CNTNAP3: variants seen among roughly 807,000 people sequenced by gnomAD.
CNTNAP3 encodes the protein contactin-associated protein-like 3.
A neutral mutation model predicts 92.1 loss-of-function variants in CNTNAP3; 36 were observed. That is an observed-to-expected ratio of 0.39 (90% CI 0.30 to 0.52). The LOEUF is 0.52. Ranked by LOEUF, CNTNAP3 falls within the 20% of genes least tolerant of loss-of-function variation. CNTNAP3 has a pLI of 0.76. For synonymous variants in CNTNAP3, 232 were observed against 422.3 expected (o/e 0.55, Z 5.53); for missense variants, 534 against 1,069.6 (o/e 0.50, Z 6.98).
Position 39,072,794 on chromosome 9 carries a change from T to G in CNTNAP3, c.*1096A>C, listed in dbSNP as rs1825657655. 1 of 152,300 alleles carries G rather than the reference T, an allele frequency of 6.6e-6. No individual in the cohort carries two copies. Among genetic ancestry groups the G allele is most frequent in the Non-Finnish European group, 1.5e-5 (1 of 68,050 alleles). The allele number at this position is 152,300 out of a possible 1,614,324, so 9.4% of individuals were successfully genotyped here. A position where few individuals can be genotyped will look rare whatever the true frequency, so the allele number is the denominator to read the frequency against. On this transcript the variant is annotated 3_prime_UTR_variant, in exon 24 of 24. Coordinates refer to ENST00000297668, the MANE Select transcript of CNTNAP3 (RefSeq NM_033655.5). ...CAGTTAAGCTATTTTTTTAATAAAT[T>G]GAAAAGATGTTCTGTACAACATAAT...
chr9:39,136,675 T>C (rs1433040760), intron 12 of CNTNAP3, among the ~76,000 whole-genome samples: 2 of 152,068 alleles, frequency 1.3e-5, no homozygotes, highest in Non-Finnish European at 2.9e-5. Flanking sequence ...CTGAGGTGGG[T>C]GGATCACCTT....
intron 12 of CNTNAP3, among the ~76,000 whole-genome samples, chr9:39,138,365 C>T (rs568016784): frequency 6.6e-5 from 10 of 152,124 alleles, no homozygotes; most frequent in Non-Finnish European, 1.3e-4. Context: ...CTTCTCAGCC[C>T]TCCCTCCCAT....
At chr9:39,081,141 T>C (rs1381999121) in intron 21 of CNTNAP3, among the ~76,000 whole-genome samples, 4 of 151,658 alleles carry the variant, frequency 2.6e-5, no homozygotes, top group Non-Finnish European at 5.9e-5. Context: ...CACTCTGAAG[T>C]GTACCTGGCA....
At chr9:39,122,030 T>C (rs1821035943) in intron 13 of CNTNAP3, among the ~76,000 whole-genome samples, 1 of 152,092 alleles carries the variant, frequency 6.6e-6, no homozygotes, top group Non-Finnish European at 1.5e-5. Flanking sequence ...GAAGACAGGT[T>C]CTCTAAAAGA....
chr9:39,111,735 T>G (rs1050729460), intron 14 of CNTNAP3, among the ~76,000 whole-genome samples: 12 of 152,160 alleles, frequency 7.9e-5, no homozygotes, highest in African/African-American at 2.9e-4. Context: ...TTAAAAGATC[T>G]ATTTCACGGG....
rs909107802 is a variant in CNTNAP3, at chr9:39,159,387, A to T, written c.1477+6546T>A. The T allele has an allele frequency of 1.1e-3, 153 of 136,152 alleles. 2 individuals carry two copies. Among genetic ancestry groups the T allele is most frequent in the Admixed American group, 4.0e-3 (55 of 13,610 alleles). 8.4% of individuals were successfully genotyped at this position (136,152 alleles called of 1,614,324 possible). A position where few individuals can be genotyped will look rare whatever the true frequency, so the allele number is the denominator to read the frequency against. On this transcript the variant is annotated intron_variant, in intron 9 of 23. Transcript: ENST00000297668. ...AAATATTATATATATATATATTTTTAAAAAACATTTTATATATATATATAT... is the reference window on the plus strand; with the variant it reads ...AAATATTATATATATATATATTTTTTAAAAACATTTTATATATATATATAT...
At chr9:39,138,500 T>G (rs941103722) in intron 12 of CNTNAP3, among the ~76,000 whole-genome samples, 1 of 152,200 alleles carries the variant, frequency 6.6e-6, no homozygotes, top group Admixed American at 6.5e-5. Context: ...CACCAGTAGC[T>G]TAGGTGAAAT....
At chr9:39,097,182 A>C (rs1855006) in intron 18 of CNTNAP3, among the ~76,000 whole-genome samples, 60,922 of 151,656 alleles carry the variant, frequency 0.4, 13,461 homozygotes, top group African/African-American at 0.57. Flanking sequence ...GAGTTATCAA[A>C]ATTCTCTTAA....
intron 13 of CNTNAP3, among the ~76,000 whole-genome samples, chr9:39,131,282 C>T (rs181618104): frequency 1.3e-5 from 2 of 152,202 alleles, no homozygotes; most frequent in East Asian, 1.9e-4. Context: ...AAAGAAACCC[C>T]ATGAGATCAA....
At chr9:39,151,836 T>G (rs1821850486) in intron 9 of CNTNAP3, among the ~76,000 whole-genome samples, 1 of 148,020 alleles carries the variant, frequency 6.8e-6, no homozygotes, top group Non-Finnish European at 1.5e-5. Flanking sequence ...GTAAGTATTG[T>G]CTCTTTCAAA....
chr9:39,144,276 G>C lies in CNTNAP3; in HGVS notation c.1720C>G (p.Leu574Val), dbSNP rs1321919367. The stretch of plus-strand genomic sequence containing the variant: ...GTCTCGCCCGTATAGCCTGTGCCTA[G>C]ACAGTCACAGGAGAAGGTGTCCCAC... Reference protein sequence around the residue: ...QSWDTFSCDCLGTGYTGETCH... With the variant: ...QSWDTFSCDCVGTGYTGETCH... Residue 574 changes from leucine to valine, a missense_variant, in exon 11 of 24, where the codon CTA (leucine) becomes GTA (valine). Coordinates refer to ENST00000297668, the MANE Select transcript of CNTNAP3 (RefSeq NM_033655.5). The C allele has an allele frequency of 6.3e-7, 1 of 1,586,902 alleles. No individual in the cohort carries two copies. Among genetic ancestry groups the C allele is most frequent in the African/African-American group, 1.3e-5 (1 of 74,076 alleles).
chr9:39,095,396 G>A (rs113709259), intron 18 of CNTNAP3, among the ~76,000 whole-genome samples: 2,754 of 151,470 alleles, frequency 0.018, 83 homozygotes, highest in African/African-American at 0.062. Flanking sequence ...CATACTTGTC[G>A]TGTTTCTTAT....
Position 39,070,825 on chromosome 9 carries a change from TAAA to T in CNTNAP3, c.*3062_*3064del, listed in dbSNP as rs1326488729. On this transcript the variant is annotated 3_prime_UTR_variant, in exon 24 of 24. Transcript: ENST00000297668. ...TAGTATGTACACAAAAATTAAAAAATAAAAAAGATTTCCCATCAAATATTCTTT... is the reference window on the plus strand; with the variant it reads ...TAGTATGTACACAAAAATTAAAAAATAAAGATTTCCCATCAAATATTCTTT... Among the ~76,000 whole-genome samples the T allele has an allele frequency of 1.3e-5, 2 of 152,270 alleles. No homozygotes were observed. The highest frequency in any genetic ancestry group is 2.9e-5 in the Non-Finnish European group (2 of 68,028).
In CNTNAP3 at chr9:39,118,052, A is replaced by G. The variant is rs761311744; in HGVS notation, c.2237+51T>C. ...TCTGACATTTAATTAACTATGCATA[A>G]TTAAAGAATAAAAACCACATTTTTG... On this transcript the variant is annotated intron_variant, in intron 14 of 23. Transcript: ENST00000297668. 27 of 1,585,260 alleles carry G rather than the reference A, an allele frequency of 1.7e-5. No homozygotes were observed. The South Asian group carries it at 3.0e-4, about 18-fold the overall frequency.
At chr9:39,128,813 A>G (rs1017337100) in intron 13 of CNTNAP3, among the ~76,000 whole-genome samples, 2 of 151,432 alleles carry the variant, frequency 1.3e-5, no homozygotes, top group Non-Finnish European at 1.5e-5. Context: ...AGTTCAAAAA[A>G]GAGCTTATAA....
chr9:39,112,611 G>T (rs774372569), intron 14 of CNTNAP3, among the ~76,000 whole-genome samples: 1 of 152,064 alleles, frequency 6.6e-6, no homozygotes, highest in Non-Finnish European at 1.5e-5. Flanking sequence ...TGATCCGCCC[G>T]CCTTGGCCTC....
rs1426477745 is a variant in CNTNAP3, at chr9:39,068,889, T to C, written c.*5001A>G. 2.0e-5 allele frequency among the ~76,000 whole-genome samples: 3 copies of C among 152,312 alleles called. No individual in the cohort carries two copies. Among genetic ancestry groups the C allele is most frequent in the African/African-American group, 7.2e-5 (3 of 41,488 alleles). On this transcript the variant is annotated 3_prime_UTR_variant, in exon 24 of 24. Coordinates refer to ENST00000297668, the MANE Select transcript of CNTNAP3 (RefSeq NM_033655.5). ...ATGTCCAGTGTACTGAAAACCATAGTTTCATATATTTTGTCTGGTTTGAGG... is the reference window on the plus strand; with the variant it reads ...ATGTCCAGTGTACTGAAAACCATAGCTTCATATATTTTGTCTGGTTTGAGG...
intron 18 of CNTNAP3, among the ~76,000 whole-genome samples, chr9:39,089,307 G>C (rs547874756): frequency 3.5e-4 from 54 of 152,256 alleles, no homozygotes; most frequent in Non-Finnish European, 5.6e-4. Context: ...ATCATATAAC[G>C]TGTGGTCTTT....
chr9:39,134,416 A>AT (rs1821378290), intron 12 of CNTNAP3, among the ~76,000 whole-genome samples: 1 of 149,700 alleles, frequency 6.7e-6, no homozygotes. Context: ...TTTATTTTAG[A>AT]TTTTTTATTT....
Sources: gnomAD v4.1 joint callset for allele counts (sites outside exome capture counted in the v4.1 genomes callset) on GRCh38, gnomAD v4.1.1 for gene constraint, MANE v1.5 for transcripts, NCBI Gene and HGNC (gene_info 2026-07-23, HGNC 2026-07-21) for gene names.